The following CCDC6 variants were observed in gnomAD, a reference collection of about 807,000 sequenced individuals.
CCDC6 encodes the protein coiled-coil domain containing 6, also known as coiled-coil domain-containing protein 6.
Under a neutral mutation model 56.6 loss-of-function variants are expected in CCDC6, and 20 were observed. That is an observed-to-expected ratio of 0.35 (90% CI 0.25 to 0.51). CCDC6 has a LOEUF of 0.51. Ranked by LOEUF, CCDC6 falls within the 20% of genes least tolerant of loss-of-function variation. CCDC6 has a pLI of 0.95. For synonymous variants in CCDC6, 241 were observed against 234.4 expected (o/e 1.03, Z -0.26); for missense variants, 367 against 601.1 (o/e 0.61, Z 4.07).
At chr10:59,837,746 C>CAAAAAAAAAAAA (rs397940135) in intron 2 of CCDC6, among the ~76,000 whole-genome samples, 4 of 49,734 alleles carry the variant, frequency 8.0e-5, no homozygotes, top group East Asian at 7.6e-4. Flanking sequence ...GACTCTGTCT[C>CAAAAAAAAAAAA]AAAAAAAAAA....
At chr10:59,845,824 T>C (rs2070986607) in intron 2 of CCDC6, among the ~76,000 whole-genome samples, 1 of 152,222 alleles carries the variant, frequency 6.6e-6, no homozygotes, top group Non-Finnish European at 1.5e-5. Context: ...ATAAAGGACA[T>C]ACTTCATTTA....
intron 3 of CCDC6, among the ~76,000 whole-genome samples, chr10:59,818,865 T>C (rs980532629): frequency 1.3e-5 from 2 of 152,332 alleles, no homozygotes; most frequent in South Asian, 4.1e-4. Context: ...AATGATGCAG[T>C]ATGCAAGTAT....
At chr10:59,892,848 G>A (rs1443010649) in intron 1 of CCDC6, among the ~76,000 whole-genome samples, 1 of 152,058 alleles carries the variant, frequency 6.6e-6, no homozygotes, top group African/African-American at 2.4e-5. Context: ...TAATTAATAA[G>A]CACATAAGTC....
intron 3 of CCDC6, among the ~76,000 whole-genome samples, chr10:59,820,760 C>T (rs1465283355): frequency 7.3e-6 from 1 of 137,614 alleles, no homozygotes; most frequent in Non-Finnish European, 1.6e-5. Flanking sequence ...AAAAAAAGAA[C>T]GAATGAATGA....
At chr10:59,895,175 A>C (rs2071452719) in intron 1 of CCDC6, among the ~76,000 whole-genome samples, 2 of 152,290 alleles carry the variant, frequency 1.3e-5, no homozygotes, top group Middle Eastern at 3.4e-3. Context: ...GGTGGCACAC[A>C]TCTGCAGTCC....
chr10:59,814,126 G>C (rs1010388976), intron 4 of CCDC6, among the ~76,000 whole-genome samples: 1 of 152,172 alleles, frequency 6.6e-6, no homozygotes, highest in Non-Finnish European at 1.5e-5. Flanking sequence ...GTTTGCTGTT[G>C]AGTGACATTC....
At chr10:59,878,799 C>T (rs1446434494) in intron 1 of CCDC6, among the ~76,000 whole-genome samples, 1 of 152,108 alleles carries the variant, frequency 6.6e-6, no homozygotes, top group Non-Finnish European at 1.5e-5. Context: ...CATGGGGCAT[C>T]CCAATGAAGT....
chr10:59,900,851 G>A lies in CCDC6; in HGVS notation c.303+5271C>T, dbSNP rs540283947. Among the ~76,000 whole-genome samples the A allele has an allele frequency of 1.8e-4, 27 of 152,282 alleles. No individual in the cohort carries two copies. The Middle Eastern group carries it at 0.014, about 77-fold the overall frequency. ...AGGTGGGTGGATCACTTTAGGCCAG[G>A]AGTTCTGAGACCAGCCTGGACAACA... On this transcript the variant is annotated intron_variant, in intron 1 of 8. Transcript: ENST00000263102.
At chr10:59,841,877 C>T (rs1333291025) in intron 2 of CCDC6, among the ~76,000 whole-genome samples, 1 of 151,720 alleles carries the variant, frequency 6.6e-6, no homozygotes, top group African/African-American at 2.4e-5. Context: ...CCACGTTAGC[C>T]AGGACGGTCT....
chr10:59,862,661 A>C (rs899794025), intron 1 of CCDC6, among the ~76,000 whole-genome samples: 5 of 151,800 alleles, frequency 3.3e-5, no homozygotes, highest in Non-Finnish European at 2.9e-5. Context: ...AAATTATTAG[A>C]AGTTCATAAT....
intron 2 of CCDC6, among the ~76,000 whole-genome samples, chr10:59,849,075 T>C (rs577969899): frequency 6.6e-6 from 1 of 152,348 alleles, no homozygotes; most frequent in South Asian, 2.1e-4. Context: ...TAATTACAAA[T>C]AACGATTAAA....
intron 2 of CCDC6, among the ~76,000 whole-genome samples, chr10:59,839,912 G>T (rs1028925604): frequency 6.6e-6 from 1 of 152,072 alleles, no homozygotes; most frequent in African/African-American, 2.4e-5. Flanking sequence ...TACAACCTCC[G>T]ACTCCCTGGT....
At chr10:59,871,141 G>C (rs1165707355) in intron 1 of CCDC6, among the ~76,000 whole-genome samples, 2 of 152,108 alleles carry the variant, frequency 1.3e-5, no homozygotes. Context: ...ATGCTTTCAT[G>C]TATTATACAT....
At chr10:59,838,095 C>A (rs1299480314) in intron 2 of CCDC6, among the ~76,000 whole-genome samples, 1 of 152,172 alleles carries the variant, frequency 6.6e-6, no homozygotes, top group Non-Finnish European at 1.5e-5. Context: ...CTCAGTACTT[C>A]ATCACTAAGG....
intron 1 of CCDC6, among the ~76,000 whole-genome samples, chr10:59,864,517 G>A (rs574488191): frequency 1.3e-5 from 2 of 152,168 alleles, no homozygotes; most frequent in African/African-American, 4.8e-5. Context: ...CCTGATGATT[G>A]TTCTGCGGGG....
chr10:59,848,109 T>C (rs2071008982), intron 2 of CCDC6, among the ~76,000 whole-genome samples: 1 of 152,122 alleles, frequency 6.6e-6, no homozygotes, highest in Non-Finnish European at 1.5e-5. Flanking sequence ...ATAGAATAGA[T>C]CCTGCCCAGG....
At position 59,812,208 on chromosome 10, in the gene CCDC6, A is replaced by T. The variant is rs1176475599; in HGVS notation, c.847+427T>A. Among the ~76,000 whole-genome samples the T allele has an allele frequency of 2.6e-5, 4 of 152,170 alleles. No homozygotes were observed. The East Asian group carries it at 7.7e-4, about 29-fold the overall frequency. On this transcript the variant is annotated intron_variant, in intron 5 of 8. Coordinates refer to ENST00000263102, the MANE Select transcript of CCDC6 (RefSeq NM_005436.5). ...AATATTAAGTATAAATTTCAAAAGCATTTACTCTTCAAATAGCATGAACAA... is the reference window on the plus strand; with the variant it reads ...AATATTAAGTATAAATTTCAAAAGCTTTTACTCTTCAAATAGCATGAACAA...
intron 3 of CCDC6, among the ~76,000 whole-genome samples, chr10:59,824,679 G>C (rs2070773488): frequency 1.4e-5 from 2 of 142,182 alleles, no homozygotes; most frequent in Non-Finnish European, 3.0e-5. Flanking sequence ...GAAGAGAAAA[G>C]AGGAGGAGGA....
At chr10:59,869,389 C>CAAAAAAAAAAAAAAAAAAAAAAAAAA (rs1167007522) in intron 1 of CCDC6, among the ~76,000 whole-genome samples, 7 of 6,100 alleles carry the variant, frequency 1.1e-3, no homozygotes, top group Non-Finnish European at 1.6e-3. Context: ...CTTGCTCAGG[C>CAAAAAAAAAAAAAAAAAAAAAAAAAA]AAAAAAAAAA....
Sources: allele counts gnomAD v4.1 joint callset (sites outside exome capture counted in the v4.1 genomes callset), GRCh38; gene constraint gnomAD v4.1.1; transcripts MANE v1.5; gene names NCBI Gene and HGNC (gene_info 2026-07-23, HGNC 2026-07-21).